Variants in PFKP observed in about 807,000 individuals in gnomAD.
PFKP encodes phosphofructokinase, platelet.
Under a neutral mutation model 94.3 loss-of-function variants are expected in PFKP, and 101 were observed. The observed-to-expected ratio is 1.07, with a 90% CI of 0.91 to 1.26. The LOEUF (loss-of-function observed/expected upper bound fraction) is 1.26. Ranked by LOEUF, PFKP falls within the 50% of genes most tolerant of loss-of-function variation. The pLI, the probability that PFKP is intolerant of heterozygous loss-of-function variation, is 0.00. For missense variants in PFKP, 1,145 were observed against 1,103.3 expected (o/e 1.04, Z -0.53); for synonymous variants, 573 against 432.6 (o/e 1.32, Z -4.03).
intron 2 of PFKP, among the ~76,000 whole-genome samples, chr10:3,087,408 C>T (rs373121241): frequency 7.2e-5 from 11 of 152,258 alleles, no homozygotes; most frequent in South Asian, 2.1e-4. Flanking sequence ...GCGGGGACAG[C>T]GCCTCTTCCT....
intron 3 of PFKP, among the ~76,000 whole-genome samples, chr10:3,100,056 G>GGGGTGTGTGTGTGT (rs1554766544): frequency 7.3e-6 from 1 of 137,744 alleles, no homozygotes; most frequent in Non-Finnish European, 1.5e-5. Context: ...GTAGGTGTGT[G>GGGGTGTGTGTGTGT]GTGTGTGTGT....
chr10:3,080,800 C>T (rs550011204), intron 1 of PFKP, among the ~76,000 whole-genome samples: 41 of 152,196 alleles, frequency 2.7e-4, no homozygotes, highest in Non-Finnish European at 5.3e-4. Context: ...TGGCTCATGT[C>T]AGAGGGAGTC....
chr10:3,116,032 A>C (rs907346338), intron 13 of PFKP, among the ~76,000 whole-genome samples: 1 of 152,170 alleles, frequency 6.6e-6, no homozygotes, highest in African/African-American at 2.4e-5. Context: ...AGACTTGTGA[A>C]GATTAATTGG....
intron 11 of PFKP, among the ~76,000 whole-genome samples, chr10:3,112,631 C>T (rs1456010553): frequency 1.3e-5 from 2 of 152,224 alleles, no homozygotes; most frequent in African/African-American, 4.8e-5. Context: ...CATCTCAGCT[C>T]CCTGCAATCT....
chr10:3,134,444 TG>T, intron 19 of PFKP, 38 bp from the exon 20 acceptor site: 1 of 1,098,340 alleles, frequency 9.1e-7, no homozygotes, highest in Non-Finnish European at 1.4e-6. Context: ...AAAGTGTTAC[TG>T]TATAACTGGT....
intron 2 of PFKP, among the ~76,000 whole-genome samples, chr10:3,084,256 G>A (rs1056070768): frequency 2.0e-5 from 3 of 152,286 alleles, no homozygotes; most frequent in Non-Finnish European, 2.9e-5. Flanking sequence ...CAGGGAAGGC[G>A]GTGCTCTAGC....
At chr10:3,135,571 C>G (rs966554958) in intron 20 of PFKP, among the ~76,000 whole-genome samples, 165 bp from the exon 21 acceptor site, 1 of 152,230 alleles carries the variant, frequency 6.6e-6, no homozygotes, top group Non-Finnish European at 1.5e-5. Flanking sequence ...CTGCACGAGG[C>G]CAGGTGCTGG....
At chr10:3,098,541 G>A (rs1834683919) in intron 2 of PFKP, among the ~76,000 whole-genome samples, 1 of 151,846 alleles carries the variant, frequency 6.6e-6, no homozygotes, top group Non-Finnish European at 1.5e-5. Context: ...CAGGTGCAGT[G>A]GCAGGCACCT....
chr10:3,133,453 C>A, intron 19 of PFKP, 139 bp downstream of exon 19: 1 of 653,630 alleles, frequency 1.5e-6, no homozygotes. Flanking sequence ...CTTTTTGAGA[C>A]AGAGTCTTGC....
chr10:3,071,427 G>GTTTTTTTTTTTTTT (rs569603765), intron 1 of PFKP, among the ~76,000 whole-genome samples: 119 of 92,400 alleles, frequency 1.3e-3, no homozygotes, highest in African/African-American at 3.5e-3. Flanking sequence ...GTCTCAGGCT[G>GTTTTTTTTTTTTTT]TTTTTTTTTT....
intron 18 of PFKP, 45 bp from the exon 19 acceptor site, chr10:3,133,158 G>GCC: frequency 1.4e-6 from 2 of 1,417,450 alleles, no homozygotes; most frequent in Non-Finnish European, 2.0e-6. Context: ...GGAGCCACGT[G>GCC]CCCACTGCAC....
chr10:3,071,369 T>TTTTGTTTG, intron 1 of PFKP, among the ~76,000 whole-genome samples: 1 of 150,310 alleles, frequency 6.7e-6, no homozygotes, highest in Non-Finnish European at 1.5e-5. Flanking sequence ...CTCAGGCTGT[T>TTTTGTTTG]TTTGTTTGTT....
At chr10:3,079,514 G>A (rs556723494) in intron 1 of PFKP, among the ~76,000 whole-genome samples, 6 of 152,112 alleles carry the variant, frequency 3.9e-5, no homozygotes, top group Admixed American at 6.5e-5. Context: ...GATTACAGGC[G>A]TGAGCCACCG....
intron 1 of PFKP, among the ~76,000 whole-genome samples, chr10:3,077,261 C>CTTTTTTTTTTTTTTTTTTT (rs34485324): frequency 7.1e-5 from 6 of 84,238 alleles, no homozygotes; most frequent in Admixed American, 3.4e-4. Context: ...TTTTTTTTTT[C>CTTTTTTTTTTTTTTTTTTT]TTTTTTTTTT....
intron 13 of PFKP, among the ~76,000 whole-genome samples, chr10:3,114,507 ACT>A (rs986266749): frequency 6.6e-6 from 1 of 151,740 alleles, no homozygotes; most frequent in African/African-American, 2.4e-5. Context: ...AGCAGACACA[ACT>A]CTCTGGTTCC....
At chr10:3,095,974 G>T (rs1214595070) in intron 2 of PFKP, among the ~76,000 whole-genome samples, 1 of 152,084 alleles carries the variant, frequency 6.6e-6, no homozygotes, top group Non-Finnish European at 1.5e-5. Context: ...GGCTTTCTTT[G>T]CCACATGCAT....
Position 3,083,339 on chromosome 10 carries a change from G to A in PFKP, c.186+878G>A, listed in dbSNP as rs543093132. On this transcript the variant is annotated intron_variant, in intron 2 of 21. Transcript: ENST00000381125. ...AGACTAAAAAGTATTTGAAAGGAAGGCACCAATAGAGTTTGGATCACAGTA... is the reference window on the plus strand; with the variant it reads ...AGACTAAAAAGTATTTGAAAGGAAGACACCAATAGAGTTTGGATCACAGTA... 2.6e-5 allele frequency among the ~76,000 whole-genome samples: 4 copies of A among 152,238 alleles called. No homozygotes were observed. The East Asian group carries it at 7.7e-4, about 29-fold the overall frequency.
chr10:3,082,276 G>A, intron 1 of PFKP, 112 bp from the exon 2 acceptor site: 1 of 645,446 alleles, frequency 1.5e-6, no homozygotes, highest in Non-Finnish European at 2.7e-6. Flanking sequence ...TCTCATATTA[G>A]GAAATGAGGC....
chr10:3,090,831 GTTTTA>G (rs1833991483), intron 2 of PFKP, among the ~76,000 whole-genome samples: 1 of 152,036 alleles, frequency 6.6e-6, no homozygotes, highest in South Asian at 2.1e-4. Flanking sequence ...GGGATATTAT[GTTTTA>G]TTTTTTTAAG....
Sources: allele counts gnomAD v4.1 joint callset (sites outside exome capture counted in the v4.1 genomes callset), GRCh38; gene constraint gnomAD v4.1.1; transcripts MANE v1.5; gene names NCBI Gene and HGNC (gene_info 2026-07-23, HGNC 2026-07-21).